ACOT12: variants seen among roughly 807,000 people sequenced by gnomAD.
The protein encoded by ACOT12 is acyl-CoA thioesterase 12.
In ACOT12, 51 loss-of-function variants were observed where a neutral mutation model predicts 67.7. That is an observed-to-expected ratio of 0.75 (90% CI 0.60 to 0.95). The LOEUF (loss-of-function observed/expected upper bound fraction) is 0.95. Ranked by LOEUF, ACOT12 falls within the 40% of genes least tolerant of loss-of-function variation. ACOT12 has a pLI of 0.00. For synonymous variants in ACOT12, 251 were observed against 244.6 expected (o/e 1.03, Z -0.24); for missense variants, 734 against 708.1 (o/e 1.04, Z -0.41).
intron 2 of ACOT12, among the ~76,000 whole-genome samples, chr5:81,377,649 A>T (rs1760460400): frequency 6.6e-6 from 1 of 152,244 alleles, no homozygotes; most frequent in Non-Finnish European, 1.5e-5. Flanking sequence ...AAGTCTCAAG[A>T]TACAAAATCA....
chr5:81,356,080 T>C (rs548865103), intron 5 of ACOT12, among the ~76,000 whole-genome samples: 104 of 152,250 alleles, frequency 6.8e-4, no homozygotes, highest in African/African-American at 2.4e-3. Context: ...TACATGTGCT[T>C]CAAACAAGCC....
chr5:81,385,703 C>T, intron 2 of ACOT12, 54 bp downstream of exon 2: 1 of 1,553,568 alleles, frequency 6.4e-7, no homozygotes, highest in Non-Finnish European at 8.9e-7. Context: ...CAATACATGT[C>T]CCAGATGAAC....
the ACOT12 span, chr5:81,308,802 G>A: frequency 4.0e-6 from 6 of 1,487,814 alleles, no homozygotes; most frequent in Non-Finnish European, 5.4e-6. Context: ...TGTTACGAGT[G>A]TGCCACTTAG....
chr5:81,329,277 T>A (rs1365160598), downstream of ACOT12, among the ~76,000 whole-genome samples: 1 of 152,236 alleles, frequency 6.6e-6, no homozygotes, highest in Non-Finnish European at 1.5e-5. Context: ...TTTTGTTGAC[T>A]TTTTCAAAAT....
At chr5:81,380,479 G>A (rs745740545) in intron 2 of ACOT12, among the ~76,000 whole-genome samples, 9 of 148,814 alleles carry the variant, frequency 6.0e-5, no homozygotes, top group African/African-American at 1.5e-4. Flanking sequence ...CAGGAGAATC[G>A]CTTGAACCTG....
At chr5:81,359,813 T>C in intron 5 of ACOT12, 90 bp downstream of exon 5, 1 of 1,379,596 alleles carries the variant, frequency 7.2e-7, no homozygotes, top group Middle Eastern at 2.3e-4. Flanking sequence ...TGAATGGTAA[T>C]AATAAGGTGA....
intron 2 of ACOT12, among the ~76,000 whole-genome samples, chr5:81,384,702 A>T (rs1313797451): frequency 6.6e-6 from 1 of 152,204 alleles, no homozygotes; most frequent in Non-Finnish European, 1.5e-5. Context: ...CATTTCTCAG[A>T]ACATATCCCG....
In ACOT12 at chr5:81,334,840, C is replaced by A. The variant is rs1580529340; in HGVS notation, c.1262+928G>T. ...AGGGTGCACAGCTCTGTACTGTGTT[C>A]CAGGAAAGGGCTGGGGAGTGGAGGA... On this transcript the variant is annotated intron_variant, in intron 12 of 14. Transcript: ENST00000307624. 4.6e-5 allele frequency among the ~76,000 whole-genome samples: 7 copies of A among 152,160 alleles called. 1 individual carries two copies. In the South Asian group the frequency reaches 1.5e-3, roughly 32 times the overall value.
chr5:81,327,917 C>T (rs571616528), downstream of ACOT12, among the ~76,000 whole-genome samples: 2 of 152,272 alleles, frequency 1.3e-5, no homozygotes, highest in East Asian at 3.9e-4. Context: ...TTCCAGGGGG[C>T]TGACTGCTGA....
At chr5:81,323,184 T>C in the ACOT12 span, among the ~76,000 whole-genome samples, 2,814 of 151,996 alleles carry the variant, frequency 0.019, 83 homozygotes, top group African/African-American at 0.054. Flanking sequence ...TCAAATCTTG[T>C]AGGCTCTATC....
At chr5:81,329,367 G>A (rs191942602), downstream of ACOT12, among the ~76,000 whole-genome samples, 424 of 152,140 alleles carry the variant, frequency 2.8e-3, 1 homozygote, top group Non-Finnish European at 5.0e-3. Flanking sequence ...CTCTTCTTAC[G>A]TATATAAATG....
Position 81,385,750 on chromosome 5 carries a change from C to T in ACOT12, c.197+7G>A. The T allele has an allele frequency of 6.2e-7, 1 of 1,613,776 alleles. No individual in the cohort carries two copies. Among genetic ancestry groups the T allele is most frequent in the Non-Finnish European group, 8.5e-7 (1 of 1,179,740 alleles). On this transcript the variant is annotated splice_region_variant and intron_variant, in intron 2 of 14. Transcript: ENST00000307624. ...GGAGAAAGGAGCCATGGAGCAATGT[C>T]ACTTACCTAGCTGTCTCCTCAAACT...
the ACOT12 span, among the ~76,000 whole-genome samples, chr5:81,314,749 CTT>C: frequency 6.6e-6 from 1 of 152,152 alleles, no homozygotes; most frequent in African/African-American, 2.4e-5. Context: ...GGACAGGAGA[CTT>C]AGGGAAAATA....
chr5:81,380,154 TAA>T (rs1407369273), intron 2 of ACOT12, among the ~76,000 whole-genome samples: 1 of 152,218 alleles, frequency 6.6e-6, no homozygotes, highest in Non-Finnish European at 1.5e-5. Flanking sequence ...CTTAATTTTA[TAA>T]GTTTGAAAAC....
At chr5:81,391,375 C>T (rs1760860574) in intron 1 of ACOT12, among the ~76,000 whole-genome samples, 1 of 152,182 alleles carries the variant, frequency 6.6e-6, no homozygotes, top group Non-Finnish European at 1.5e-5. Context: ...GGCTTCAAGT[C>T]ATTTATAAAA....
intron 2 of ACOT12, among the ~76,000 whole-genome samples, chr5:81,380,444 A>G (rs1336937052): frequency 5.3e-5 from 8 of 151,920 alleles, no homozygotes; most frequent in Non-Finnish European, 1.0e-4. Context: ...CGTGCCTGTA[A>G]TCTCAGCTAC....
chr5:81,354,174 C>G (rs1220290702), intron 5 of ACOT12, among the ~76,000 whole-genome samples: 1 of 152,166 alleles, frequency 6.6e-6, no homozygotes, highest in African/African-American at 2.4e-5. Context: ...GCAGATTAAA[C>G]AAAGCAGATG....
chr5:81,386,995 ATTTTTTTTTT>A (rs869281800), intron 1 of ACOT12, among the ~76,000 whole-genome samples: 1 of 81,334 alleles, frequency 1.2e-5, no homozygotes, highest in Non-Finnish European at 2.7e-5. Context: ...GATGAGTTCC[ATTTTTTTTTT>A]TTTTTTTTTT....
chr5:81,328,332 A>T (rs925010451), downstream of ACOT12, among the ~76,000 whole-genome samples: 54 of 152,098 alleles, frequency 3.6e-4, no homozygotes, highest in Non-Finnish European at 6.3e-4. Context: ...AATTTTATTT[A>T]TGATGTGAAC....
Sources: gnomAD v4.1 joint callset for allele counts (sites outside exome capture counted in the v4.1 genomes callset) on GRCh38, gnomAD v4.1.1 for gene constraint, MANE v1.5 for transcripts, NCBI Gene and HGNC (gene_info 2026-07-23, HGNC 2026-07-21) for gene names.